Variants in PRKG1 observed in about 807,000 individuals in gnomAD.
The protein encoded by PRKG1 is cGMP-dependent protein kinase 1.
In PRKG1, 35 loss-of-function variants were observed where a neutral mutation model predicts 88.1. The observed-to-expected ratio is 0.40, with a 90% CI of 0.30 to 0.53. The LOEUF (loss-of-function observed/expected upper bound fraction) is 0.53, where lower values mean the gene tolerates loss of function less well. PRKG1 is among the 20% of genes least tolerant of loss of function. The pLI, the probability that PRKG1 is intolerant of heterozygous loss-of-function variation, is 0.59. For synonymous variants in PRKG1, 303 were observed against 292.5 expected, an observed-to-expected ratio of 1.04 and a Z score of -0.37; for missense variants, 540 against 839.8, an observed-to-expected ratio of 0.64 and a Z score of 4.41.
At chr10:51,059,762 T>C (rs1022350586) in intron 1 of PRKG1, among the ~76,000 whole-genome samples, 8 of 152,276 alleles carry the variant, frequency 5.3e-5, no homozygotes, top group African/African-American at 1.9e-4. Context: ...AATATCCCTA[T>C]GCACTAGAAA....
chr10:51,693,889 G>A (rs1159853872), intron 3 of PRKG1, among the ~76,000 whole-genome samples: 3 of 151,844 alleles, frequency 2.0e-5, no homozygotes, highest in Non-Finnish European at 2.9e-5. Context: ...AAAAACAAAC[G>A]AAAATATTTA....
chr10:51,595,977 C>A lies in PRKG1; in HGVS notation c.592+128141C>A, dbSNP rs1270772286. 2.6e-5 allele frequency among the ~76,000 whole-genome samples: 4 copies of A among 151,938 alleles called. 1 individual carries two copies. Among genetic ancestry groups the A allele is most frequent in the Admixed American group, 2.0e-4 (3 of 15,244 alleles). Reference sequence around the variant, plus strand: ...TCCTGTGTAGCTGGGCTTACAGGCGCCTGCCACCATGCCCGGCTAATTTTT... The same window carrying A: ...TCCTGTGTAGCTGGGCTTACAGGCGACTGCCACCATGCCCGGCTAATTTTT... On this transcript the variant is annotated intron_variant, in intron 3 of 17. Coordinates refer to ENST00000373980, the MANE Select transcript of PRKG1 (RefSeq NM_006258.4).
chr10:51,758,261 T>C (rs192551067), intron 3 of PRKG1, among the ~76,000 whole-genome samples: 1 of 152,354 alleles, frequency 6.6e-6, no homozygotes, highest in Admixed American at 6.5e-5. Context: ...TTGACAGTTC[T>C]TCTAATTTGA....
chr10:52,020,649 C>T (rs1023758393), intron 5 of PRKG1, among the ~76,000 whole-genome samples: 3 of 152,062 alleles, frequency 2.0e-5, no homozygotes, highest in Admixed American at 2.0e-4. Context: ...TCCCATGATT[C>T]TTCCCTTAGG....
chr10:52,110,590 C>G (rs535895238), intron 7 of PRKG1, among the ~76,000 whole-genome samples: 49 of 151,998 alleles, frequency 3.2e-4, no homozygotes, highest in African/African-American at 1.1e-3. Flanking sequence ...AGAATGAGAC[C>G]AATACCACAC....
intron 5 of PRKG1, among the ~76,000 whole-genome samples, chr10:52,043,877 A>G (rs773368839): frequency 7.3e-5 from 11 of 150,954 alleles, no homozygotes; most frequent in African/African-American, 9.7e-5. Flanking sequence ...TTGAAAATCC[A>G]TTAAGTAAAC....
intron 3 of PRKG1, among the ~76,000 whole-genome samples, chr10:51,639,164 G>A (rs1839730979): frequency 6.6e-6 from 1 of 152,052 alleles, no homozygotes; most frequent in Non-Finnish European, 1.5e-5. Flanking sequence ...GCTGGGCACG[G>A]TGGCTCACAC....
intron 8 of PRKG1, among the ~76,000 whole-genome samples, chr10:52,137,982 A>T (rs1224560883): frequency 6.6e-6 from 1 of 152,156 alleles, no homozygotes; most frequent in Non-Finnish European, 1.5e-5. Flanking sequence ...ACTTATAATT[A>T]TTAGTAAACC....
intron 1 of PRKG1, among the ~76,000 whole-genome samples, chr10:51,103,857 T>C (rs1844748910): frequency 6.6e-6 from 1 of 152,062 alleles, no homozygotes; most frequent in African/African-American, 2.4e-5. Flanking sequence ...ACTAATTACC[T>C]AAAACAGAAA....
intron 1 of PRKG1, among the ~76,000 whole-genome samples, chr10:51,023,527 G>A (rs1408580577): frequency 6.6e-6 from 1 of 152,126 alleles, no homozygotes; most frequent in African/African-American, 2.4e-5. Flanking sequence ...AGAAGAAATC[G>A]TGACCTGTGC....
In PRKG1 at chr10:51,076,680, A is replaced by C. The variant is rs536239037; in HGVS notation, c.311+1779A>C. On this transcript the variant is annotated intron_variant, in intron 1 of 17. Transcript: ENST00000373980. ...CTAGGCAGTAGGGAATGAGCTATAC[A>C]ATGTGATAAGTTTAAAAGCCTCTTT... Among the ~76,000 whole-genome samples the C allele has an allele frequency of 3.6e-3, 545 of 152,340 alleles. 2 individuals carry two copies. The highest frequency in any genetic ancestry group is 3.8e-3 in the Non-Finnish European group (256 of 68,014).
At chr10:51,413,588 T>A (rs565450184) in intron 2 of PRKG1, among the ~76,000 whole-genome samples, 8 of 152,246 alleles carry the variant, frequency 5.3e-5, no homozygotes, top group Admixed American at 2.0e-4. Flanking sequence ...CTCGAACTCC[T>A]GACCTCGTGA....
At chr10:51,414,611 A>T (rs1013886470) in intron 2 of PRKG1, among the ~76,000 whole-genome samples, 4 of 152,220 alleles carry the variant, frequency 2.6e-5, no homozygotes, top group Non-Finnish European at 4.4e-5. Flanking sequence ...TGCCAAATAC[A>T]TAAATTATGT....
At chr10:51,945,860 C>T (rs1023812299) in intron 5 of PRKG1, among the ~76,000 whole-genome samples, 1 of 151,636 alleles carries the variant, frequency 6.6e-6, no homozygotes, top group African/African-American at 2.4e-5. Flanking sequence ...TGTGGGTAAC[C>T]CGACCTTTCT....
At chr10:51,521,078 G>A (rs1017142581) in intron 3 of PRKG1, among the ~76,000 whole-genome samples, 1 of 152,168 alleles carries the variant, frequency 6.6e-6, no homozygotes, top group Non-Finnish European at 1.5e-5. Context: ...CACCTAGGTC[G>A]GGGTTCAAAA....
At chr10:51,403,727 T>C (rs1837824819) in intron 2 of PRKG1, among the ~76,000 whole-genome samples, 1 of 152,194 alleles carries the variant, frequency 6.6e-6, no homozygotes, top group Non-Finnish European at 1.5e-5. Flanking sequence ...ATAGAATACT[T>C]GGCAAAGATA....
chr10:51,762,697 C>T (rs1201425030), intron 3 of PRKG1, among the ~76,000 whole-genome samples: 2 of 152,166 alleles, frequency 1.3e-5, no homozygotes, highest in Non-Finnish European at 2.9e-5. Flanking sequence ...CAGAAGAAAA[C>T]AGTGACTTGC....
At chr10:52,215,684 A>G (rs1840092844) in intron 9 of PRKG1, among the ~76,000 whole-genome samples, 1 of 152,168 alleles carries the variant, frequency 6.6e-6, no homozygotes, top group South Asian at 2.1e-4. Flanking sequence ...ATAACTTTAA[A>G]ATATGAAAGG....
chr10:51,413,506 C>T (rs1402435531), intron 2 of PRKG1, among the ~76,000 whole-genome samples: 1 of 151,958 alleles, frequency 6.6e-6, no homozygotes, highest in Non-Finnish European at 1.5e-5. Context: ...ATTACAGGCA[C>T]ACACCACCAC....
Sources: gnomAD v4.1 joint callset for allele counts (sites outside exome capture counted in the v4.1 genomes callset) on GRCh38, gnomAD v4.1.1 for gene constraint, MANE v1.5 for transcripts, NCBI Gene and HGNC (gene_info 2026-07-23, HGNC 2026-07-21) for gene names.